LTK: variants seen among roughly 807,000 people sequenced by gnomAD.
LTK encodes the protein leukocyte tyrosine kinase receptor.
LTK carries 117 observed loss-of-function variants against 101.5 expected under a neutral mutation model. The observed-to-expected ratio is 1.15, with a 90% confidence interval of 0.99 to 1.34. The LOEUF is 1.34. LTK is among the 40% of genes most tolerant of loss of function. The pLI is 0.00. For missense variants in LTK, 1,252 were observed against 1,164.7 expected, an observed-to-expected ratio of 1.07 and a Z score of -1.09; for synonymous variants, 563 against 494.2, an observed-to-expected ratio of 1.14 and a Z score of -1.85.
chr15:41,505,000 C>A lies in LTK; in HGVS notation c.1990G>T (p.Asp664Tyr). The A allele has an allele frequency of 2.5e-6, 4 of 1,613,378 alleles. No individual in the cohort carries two copies. Among genetic ancestry groups the A allele is most frequent in the Non-Finnish European group, 3.4e-6 (4 of 1,179,574 alleles). Residue 664 changes from aspartate to tyrosine, a missense_variant, in exon 16 of 20, where the codon GAC becomes TAC. Asp to Tyr is a radical substitution (Grantham distance 160). Coordinates refer to ENST00000263800, the MANE Select transcript of LTK (RefSeq NM_002344.6). ...AGPSRVAKIG[D>Y]FGMARDIYRA... is the part of the protein sequence containing the mutation. Reference sequence around the variant, plus strand: ...TAGATATCTCGTGCCATCCCAAAGTCCCCAATCTTGGCCACTCGGCTGGGT... The same window carrying A: ...TAGATATCTCGTGCCATCCCAAAGTACCCAATCTTGGCCACTCGGCTGGGT...
At chr15:41,504,295 C>T (rs752324799) in intron 19 of LTK, 47 bp downstream of exon 19, 13 of 1,610,410 alleles carry the variant, frequency 8.1e-6, no homozygotes, top group Middle Eastern at 1.6e-4. Flanking sequence ...TCTGGCCCTC[C>T]CTCCTGACCC....
chr15:41,509,141 G>C lies in LTK; in HGVS notation c.998-12C>G, dbSNP rs374353564. On this transcript the variant is annotated splice_polypyrimidine_tract_variant and intron_variant, in intron 7 of 19. Coordinates refer to ENST00000263800, the MANE Select transcript of LTK (RefSeq NM_002344.6). ...TGAAGCGTCGCCCCCTGGAAGTGGA[G>C]AGTGATGGAGAGTTTGACTACAAAA... is the stretch of plus-strand genomic sequence containing the variant. 1 of 1,527,368 alleles carries C rather than the reference G, an allele frequency of 6.5e-7. No individual in the cohort carries two copies. The highest frequency in any genetic ancestry group is 2.2e-5 in the East Asian group (1 of 44,458). 94.6% of individuals were successfully genotyped at this position (1,527,368 alleles called of 1,614,324 possible).
Position 41,504,956 on chromosome 15 carries a change from C to T in LTK, c.2018+16G>A. Reference sequence around the variant, plus strand: ...CCCCTTGGAGCAAGAGCCTTCCCACCTCCCAAGTCCCGCACCGGTAGATAT... The same window carrying T: ...CCCCTTGGAGCAAGAGCCTTCCCACTTCCCAAGTCCCGCACCGGTAGATAT... On this transcript the variant is annotated intron_variant, in intron 16 of 19. Coordinates refer to ENST00000263800, the MANE Select transcript of LTK (RefSeq NM_002344.6). 3 of 1,600,704 alleles carry T rather than the reference C, an allele frequency of 1.9e-6. No individual in the cohort carries two copies. Among genetic ancestry groups the T allele is most frequent in the Non-Finnish European group, 2.6e-6 (3 of 1,172,718 alleles).
Position 41,503,909 on chromosome 15 carries a change from G to A in LTK, c.*87C>T, listed in dbSNP as rs531269824. The A allele has an allele frequency of 4.9e-6, 7 of 1,432,014 alleles. No individual in the cohort carries two copies. The Admixed American group carries it at 9.7e-5, about 20-fold the overall frequency. The allele number at this position is 1,432,014 out of a possible 1,614,324, so 88.7% of individuals were successfully genotyped here. On this transcript the variant is annotated 3_prime_UTR_variant, in exon 20 of 20. Coordinates refer to ENST00000263800, the MANE Select transcript of LTK (RefSeq NM_002344.6). ...GCACAGACTGCAGGGAACAGAGGCC[G>A]CTGGCATAACAGGCCACCCAGGAGC...
In LTK at chr15:41,504,441, A is replaced by G. The variant is rs2051180392; in HGVS notation, c.2256-9T>C. 3.7e-6 allele frequency: 6 copies of G among 1,614,022 alleles called. No individual in the cohort carries two copies. The highest frequency in any genetic ancestry group is 5.1e-6 in the Non-Finnish European group (6 of 1,179,984). ...GGGTCATGATGCGGTACCTGGGGAG[A>G]GGCAGGAGTTCATGCCCACCCATGG... On this transcript the variant is annotated splice_polypyrimidine_tract_variant and intron_variant, in intron 18 of 19. Transcript: ENST00000263800.
chr15:41,505,385 A>C lies in LTK; in HGVS notation c.1827+16T>G. 6.2e-7 allele frequency: 1 copy of C among 1,612,128 alleles called. No individual in the cohort carries two copies. Among genetic ancestry groups the C allele is most frequent in the East Asian group, 2.2e-5 (1 of 44,718 alleles). ...GTCTTTAGAGGGGCCTGGGGGGGCT[A>C]AGACAAGGGTCTCACCAGGTGTGGC... On this transcript the variant is annotated intron_variant, in intron 14 of 19. Coordinates refer to ENST00000263800, the MANE Select transcript of LTK (RefSeq NM_002344.6).
chr15:41,508,946 T>C lies in LTK; in HGVS notation c.1096+85A>G, dbSNP rs891086380. ...TATGCAAGGTTATTCACAGTGCAGG[T>C]GGCTCTTCAGTGCAGTGCAGGAGTG... is the stretch of plus-strand genomic sequence containing the variant. On this transcript the variant is annotated intron_variant, in intron 8 of 19. Coordinates refer to ENST00000263800, the MANE Select transcript of LTK (RefSeq NM_002344.6). The C allele has an allele frequency of 2.6e-5, 21 of 806,216 alleles. No individual in the cohort carries two copies. The South Asian group carries it at 3.3e-4, about 13-fold the overall frequency. 49.9% of individuals were successfully genotyped at this position (806,216 alleles called of 1,614,324 possible). A position where few individuals can be genotyped will look rare whatever the true frequency, so the allele number is the denominator to read the frequency against.
Position 41,513,080 on chromosome 15 carries a change from A to G in LTK, c.84T>C (p.Phe28=), listed in dbSNP as rs56063273. 351 of 1,610,842 alleles carry G rather than the reference A, an allele frequency of 2.2e-4. No individual in the cohort carries two copies. The African/African-American group carries it at 3.9e-3, about 18-fold the overall frequency. ...CCAGCGGCAGGGGCGAGGACCGCAG[A>G]AAAGTCTCCTGGGACCCCGGGCTAG... is the stretch of plus-strand genomic sequence containing the variant. The part of the protein sequence containing the change: ...LCSSPGSQET[F]LRSSPLPLAS... The change falls in exon 2 of 20, where the codon TTT becomes TTC. Residue 28 remains phenylalanine, a synonymous_variant. Transcript: ENST00000263800.
At chr15:41,513,575 A>G in intron 1 of LTK, 92 bp downstream of exon 1, 1 of 1,200,254 alleles carries the variant, frequency 8.3e-7, no homozygotes. Flanking sequence ...CCTCTGGAGG[A>G]ACCACTGACA....
Position 41,511,499 on chromosome 15 carries a change from C to A in LTK, c.737G>T (p.Gly246Val), listed in dbSNP as rs752905210. ...GRAYLRPRDRGRTQASPEKLE... is the reference protein window; with the variant it reads ...GRAYLRPRDRVRTQASPEKLE... ...TTTCTCGGGGGAGGCCTGAGTCCGGCCTCGGTCCCGCGGCCTCAGGTAGGC... is the reference window on the plus strand; with the variant it reads ...TTTCTCGGGGGAGGCCTGAGTCCGGACTCGGTCCCGCGGCCTCAGGTAGGC... The change falls in exon 6 of 20, where the codon GGC (glycine) becomes GTC (valine). Residue 246 changes from glycine to valine, a missense_variant. Physicochemically the swap from Gly to Val is moderately radical, Grantham distance 109. Coordinates refer to ENST00000263800, the MANE Select transcript of LTK (RefSeq NM_002344.6). The surrounding 1 kb of genome is among the most constrained non-coding windows in gnomAD (Gnocchi z 5.9). 8 of 1,478,530 alleles carry A rather than the reference C, an allele frequency of 5.4e-6. No homozygotes were observed. The highest frequency in any genetic ancestry group is 2.7e-5 in the Admixed American group (1 of 37,662). The allele number at this position is 1,478,530 out of a possible 1,614,324, so 91.6% of individuals were successfully genotyped here.
rs2051266300 is a variant in LTK, at chr15:41,505,948, A to C, written c.1599T>G (p.Pro533=). Residue 533 remains proline, a synonymous_variant, in exon 12 of 20, where the codon CCT becomes CCG. Coordinates refer to ENST00000263800, the MANE Select transcript of LTK (RefSeq NM_002344.6). ...CTACCTGCAGGGGACTGGAGTCCCC[A>C]GGAAGGCCAATTACCAGTCCCTCAT... ...EVYEGLVIGL[P]GDSSPLQVAI... is the part of the protein sequence containing the mutation. The C allele has an allele frequency of 6.2e-7, 1 of 1,613,978 alleles. No homozygotes were observed. Among genetic ancestry groups the C allele is most frequent in the Non-Finnish European group, 8.5e-7 (1 of 1,179,898 alleles).
Position 41,504,829 on chromosome 15 carries a change from C to T in LTK, c.2064G>A (p.Lys688=). The change falls in exon 17 of 20, where the codon AAG becomes AAA. Residue 688 remains lysine (K), a synonymous_variant. Transcript: ENST00000263800. The part of the protein sequence containing the change: ...RRGDRALLPV[K]WMPPEAFLEG... ...CCAGGAAGGCCTCTGGGGGCATCCA[C>T]TTGACTGGGAGCAAGGCCCGGTCCC... 6.2e-7 allele frequency: 1 copy of T among 1,613,408 alleles called. No individual in the cohort carries two copies. Among genetic ancestry groups the T allele is most frequent in the Non-Finnish European group, 8.5e-7 (1 of 1,179,888 alleles).
In LTK at chr15:41,511,593, G is replaced by T; in HGVS notation, c.658-15C>A. 7.0e-7 allele frequency: 1 copy of T among 1,434,692 alleles called. No individual in the cohort carries two copies. Among genetic ancestry groups the T allele is most frequent in the Non-Finnish European group, 9.0e-7 (1 of 1,105,890 alleles). The allele number at this position is 1,434,692 out of a possible 1,614,324, so 88.9% of individuals were successfully genotyped here. On this transcript the variant is annotated splice_polypyrimidine_tract_variant and intron_variant, in intron 5 of 19. Coordinates refer to ENST00000263800, the MANE Select transcript of LTK (RefSeq NM_002344.6). This position sits in a 1 kb window ranked among gnomAD's most constrained non-coding sequence, Gnocchi z 5.9. ...CCAGCGCGCACCTGTGGGGCCAGCGGCGTGTTCCAGGAAGCGCCCTCCAGC... is the reference window on the plus strand; with the variant it reads ...CCAGCGCGCACCTGTGGGGCCAGCGTCGTGTTCCAGGAAGCGCCCTCCAGC...
chr15:41,505,727 C>G lies in LTK; in HGVS notation c.1683G>C (p.Glu561Asp). ...CCCAGGTGCACCTGATGATGAGGGC[C>G]TCCATGAGGAAATCCAGCTCATCCT... is the stretch of plus-strand genomic sequence containing the variant. ...SPQDELDFLM[E>D]ALIISKFRHQ... Residue 561 changes from glutamate (E) to aspartate (D), a missense_variant, in exon 13 of 20, where the codon GAG becomes GAC. Physicochemically the swap from Glu to Asp is conservative, Grantham distance 45. Transcript: ENST00000263800. 1 of 1,613,980 alleles carries G rather than the reference C, an allele frequency of 6.2e-7. No individual in the cohort carries two copies.
chr15:41,511,314 A>G lies in LTK; in HGVS notation c.847T>C (p.Ser283Pro). ...GGGGWTSRAP[S>P]PQAGRSLQEG... ...TGCAGTGAGCGGCCGGCCTGCGGAGAGGGAGCCCGCGACGTCCAGCCGCCC... is the reference window on the plus strand; with the variant it reads ...TGCAGTGAGCGGCCGGCCTGCGGAGGGGGAGCCCGCGACGTCCAGCCGCCC... The change falls in exon 7 of 20, where the codon TCT becomes CCT. Residue 283 changes from serine (S) to proline (P), a missense_variant. Coordinates refer to ENST00000263800, the MANE Select transcript of LTK (RefSeq NM_002344.6). The surrounding 1 kb of genome is among the most constrained non-coding windows in gnomAD (Gnocchi z 5.9). 7.3e-7 allele frequency: 1 copy of G among 1,364,020 alleles called. No homozygotes were observed. The highest frequency in any genetic ancestry group is 1.8e-5 in the South Asian group (1 of 56,716). 84.5% of individuals were successfully genotyped at this position (1,364,020 alleles called of 1,614,324 possible).
At chr15:41,508,015 T>A in intron 9 of LTK, 54 bp downstream of exon 9, 1 of 1,525,296 alleles carries the variant, frequency 6.6e-7, no homozygotes, top group East Asian at 2.3e-5. Flanking sequence ...GGCCTACTGC[T>A]CCTCCCAGTC....
Position 41,504,148 on chromosome 15 carries a change from G to A in LTK, c.2443C>T (p.Leu815=), listed in dbSNP as rs1301796349. 3.1e-6 allele frequency: 5 copies of A among 1,614,046 alleles called. No individual in the cohort carries two copies. The East Asian group carries it at 1.1e-4, about 36-fold the overall frequency. The change falls in exon 20 of 20, where the codon CTA becomes TTA. Residue 815 remains leucine, a synonymous_variant. Transcript: ENST00000263800. ...AGTTCCTGGGGCTGTGGGGGTCTTAGGCACTCCAAAGATCTGTTCCCCAGC... is the reference window on the plus strand; with the variant it reads ...AGTTCCTGGGGCTGTGGGGGTCTTAAGCACTCCAAAGATCTGTTCCCCAGC... ...SGLGNRSLEC[L]RPPQPQELSP... is the part of the protein sequence containing the mutation.
In LTK at chr15:41,511,489, C is replaced by A; in HGVS notation, c.747G>T (p.Gln249His). Reference sequence around the variant, plus strand: ...GGTTCTCCAGTTTCTCGGGGGAGGCCTGAGTCCGGCCTCGGTCCCGCGGCC... The same window carrying A: ...GGTTCTCCAGTTTCTCGGGGGAGGCATGAGTCCGGCCTCGGTCCCGCGGCC... ...YLRPRDRGRT[Q>H]ASPEKLENRS... Residue 249 changes from glutamine to histidine, a missense_variant, in exon 6 of 20, where the codon CAG becomes CAT. Gln to His is a conservative substitution (Grantham distance 24). Transcript: ENST00000263800. The surrounding 1 kb of genome is among the most constrained non-coding windows in gnomAD (Gnocchi z 5.9). 6.8e-7 allele frequency: 1 copy of A among 1,473,532 alleles called. No homozygotes were observed. The allele number at this position is 1,473,532 out of a possible 1,614,324, so 91.3% of individuals were successfully genotyped here.
Position 41,505,981 on chromosome 15 carries a change from C to T in LTK, c.1566G>A (p.Gly522=), listed in dbSNP as rs1193737764. 6.2e-7 allele frequency: 1 copy of T among 1,613,792 alleles called. No individual in the cohort carries two copies. The highest frequency in any genetic ancestry group is 8.5e-7 in the Non-Finnish European group (1 of 1,179,852). The part of the protein sequence containing the change: ...LLRALGHGAF[G]EVYEGLVIGL... ...CAATTACCAGTCCCTCATACACCTC[C>T]CCAAAGGCACCATGGCCCAGGGCTC... The change falls in exon 12 of 20, where the codon GGG becomes GGA. Residue 522 remains glycine (G), a synonymous_variant. Transcript: ENST00000263800.
Sources: gnomAD v4.1 joint callset for allele counts on GRCh38, gnomAD v4.1.1 for gene constraint, Gnocchi (gnomAD v3.1) non-coding constraint, MANE v1.5 for transcripts, NCBI Gene and HGNC (gene_info 2026-07-23, HGNC 2026-07-21) for gene names.